Variants in ANKRD30A observed in about 807,000 individuals in gnomAD.
ANKRD30A encodes ankyrin repeat domain-containing protein 30A.
A neutral mutation model predicts 166.3 loss-of-function variants in ANKRD30A; 170 were observed. The ratio of observed to expected loss-of-function variants is 1.02; its 90% CI spans 0.90 to 1.16. ANKRD30A has a LOEUF of 1.16. Among genes scored for constraint, ANKRD30A ranks in the 50% most tolerant of loss-of-function variants. ANKRD30A has a pLI of 0.00. For missense variants in ANKRD30A, 1,630 were observed against 1,518.0 expected (o/e 1.07, Z -1.23); for synonymous variants, 564 against 508.9 (o/e 1.11, Z -1.46).
chr10:37,216,043 C>A, intron 31 of ANKRD30A, 138 bp from the exon 32 acceptor site: 1 of 436,436 alleles, frequency 2.3e-6, no homozygotes, highest in Non-Finnish European at 3.9e-6. Context: ...GTTTAATCTG[C>A]AGAGCTTAGT....
rs183593714 is a variant in ANKRD30A, at chr10:37,201,385, G to A, written c.2869+60G>A. 4.6e-5 allele frequency: 60 copies of A among 1,310,346 alleles called. No individual in the cohort carries two copies. In the East Asian group the frequency reaches 1.5e-3, roughly 33 times the overall value. 81.2% of individuals were successfully genotyped at this position (1,310,346 alleles called of 1,614,324 possible). ...CCAAGTATTTCTCTAAAATGATGAG[G>A]AAGGATATGCTCTAATAGCTGAAGA... On this transcript the variant is annotated intron_variant, in intron 31 of 35. Transcript: ENST00000361713.
At chr10:37,172,004 C>A (rs118067039) in intron 21 of ANKRD30A, among the ~76,000 whole-genome samples, 3 of 145,668 alleles carry the variant, frequency 2.1e-5, no homozygotes, top group Non-Finnish European at 3.0e-5. Context: ...TAGTTGTCAA[C>A]CACATTACTT....
chr10:37,161,692 TC>T (rs1838887763), intron 15 of ANKRD30A, among the ~76,000 whole-genome samples: 1 of 152,144 alleles, frequency 6.6e-6, no homozygotes, highest in Non-Finnish European at 1.5e-5. Flanking sequence ...TCATTAGGTT[TC>T]TCTGTTACAA....
rs147869221 is a variant in ANKRD30A at position 37,152,138 on chromosome 10, A to G, written c.1707+17A>G. ...GATTCTGAGGTACTATGTGTTATTG[A>G]TTTTTTTTTAATATTAGTATTGCAT... On this transcript the variant is annotated intron_variant, in intron 12 of 35. Transcript: ENST00000361713. The G allele has an allele frequency of 3.4e-4, 526 of 1,564,460 alleles. No individual in the cohort carries two copies. The African/African-American group carries it at 3.5e-3, about 10-fold the overall frequency.
chr10:37,179,608 A>G (rs1840047910), intron 24 of ANKRD30A, among the ~76,000 whole-genome samples: 1 of 148,800 alleles, frequency 6.7e-6, no homozygotes, highest in Non-Finnish European at 1.5e-5. Context: ...ACTTTTTCTG[A>G]TGAGATGTCA....
intron 17 of ANKRD30A, among the ~76,000 whole-genome samples, chr10:37,164,639 C>T (rs2993682): frequency 9.2e-5 from 14 of 151,958 alleles, no homozygotes; most frequent in South Asian, 2.1e-4. Context: ...AGTTAATATT[C>T]CTAAAACATC....
downstream of ANKRD30A, among the ~76,000 whole-genome samples, chr10:37,235,289 T>C (rs954714386): frequency 6.6e-6 from 1 of 152,078 alleles, no homozygotes. Flanking sequence ...ATGCTTAATC[T>C]ATCAGCTCTT....
chr10:37,245,643 G>A, the ANKRD30A span, among the ~76,000 whole-genome samples: 1 of 151,850 alleles, frequency 6.6e-6, no homozygotes, highest in African/African-American at 2.4e-5. Flanking sequence ...ACATTTATGA[G>A]ATCATGGCTT....
intron 34 of ANKRD30A, among the ~76,000 whole-genome samples, chr10:37,222,897 A>G (rs1176352130): frequency 2.0e-5 from 3 of 151,494 alleles, no homozygotes; most frequent in African/African-American, 4.8e-5. Context: ...GCAGGGGATA[A>G]TATCTGACAT....
At chr10:37,153,516 C>G in intron 12 of ANKRD30A, 56 bp from the exon 13 acceptor site, 1 of 1,588,322 alleles carries the variant, frequency 6.3e-7, no homozygotes, top group Non-Finnish European at 8.5e-7. Context: ...AATTTTGATA[C>G]TCTTCATTAC....
At chr10:37,215,692 T>C (rs1842566674) in intron 31 of ANKRD30A, among the ~76,000 whole-genome samples, 2 of 151,736 alleles carry the variant, frequency 1.3e-5, no homozygotes, top group South Asian at 4.1e-4. Flanking sequence ...TTGTTTAATG[T>C]ATTTTGTGTG....
intron 9 of ANKRD30A, among the ~76,000 whole-genome samples, chr10:37,148,933 T>G (rs901189493): frequency 2.0e-5 from 3 of 152,028 alleles, no homozygotes; most frequent in Non-Finnish European, 4.4e-5. Context: ...TTAAAATAAA[T>G]ATTGTGGTGA....
Position 37,125,731 on chromosome 10 carries a change from G to A in ANKRD30A, c.-57G>A. 1.8e-6 allele frequency: 1 copy of A among 566,616 alleles called. No homozygotes were observed. The highest frequency in any genetic ancestry group is 2.1e-5 in the South Asian group (1 of 47,586). 35.1% of individuals were successfully genotyped at this position (566,616 alleles called of 1,614,324 possible). The stretch of plus-strand genomic sequence containing the variant: ...GGGCGATTGGGGAGGGGTGGGGGGT[G>A]GTGGCTGGGAAGGGCGATCGGGAGG... On this transcript the variant is annotated 5_prime_UTR_variant, in exon 1 of 36. Transcript: ENST00000361713.
chr10:37,154,980 G>T (rs183519649), intron 13 of ANKRD30A, among the ~76,000 whole-genome samples: 1 of 152,284 alleles, frequency 6.6e-6, no homozygotes, highest in Admixed American at 6.5e-5. Flanking sequence ...ATACTTGAAT[G>T]TAAGAACCTT....
intron 31 of ANKRD30A, among the ~76,000 whole-genome samples, chr10:37,210,832 A>C (rs573617366): frequency 6.6e-6 from 1 of 151,982 alleles, no homozygotes; most frequent in South Asian, 2.1e-4. Flanking sequence ...TTTCCTTGTA[A>C]ATTTGTTTAA....
At chr10:37,192,459 G>A (rs568385060) in intron 25 of ANKRD30A, among the ~76,000 whole-genome samples, 15 of 151,872 alleles carry the variant, frequency 9.9e-5, no homozygotes, top group Non-Finnish European at 1.8e-4. Context: ...TTTCTCAGAG[G>A]TACAAAAATG....
chr10:37,126,065 C>T (rs1835988626), intron 1 of ANKRD30A, 57 bp downstream of exon 1: 3 of 1,569,904 alleles, frequency 1.9e-6, no homozygotes, highest in East Asian at 2.2e-5. Context: ...GTGGGAGGAT[C>T]GCCCCTTCAG....
the ANKRD30A span, among the ~76,000 whole-genome samples, chr10:37,259,788 G>C: frequency 1.3e-5 from 2 of 152,190 alleles, no homozygotes; most frequent in African/African-American, 4.8e-5. Flanking sequence ...CACAATAGGT[G>C]ATAGTAGCTA....
intron 12 of ANKRD30A, 38 bp downstream of exon 12, chr10:37,152,159 T>C: frequency 6.7e-7 from 1 of 1,486,946 alleles, no homozygotes; most frequent in Non-Finnish European, 9.3e-7. Context: ...ATATTAGTAT[T>C]GCATGATATG....
Sources: gnomAD v4.1 joint callset for allele counts (sites outside exome capture counted in the v4.1 genomes callset) on GRCh38, gnomAD v4.1.1 for gene constraint, MANE v1.5 for transcripts, NCBI Gene and HGNC (gene_info 2026-07-23, HGNC 2026-07-21) for gene names.